The following DLC1 variants were observed in gnomAD, a reference collection of about 807,000 sequenced individuals.
DLC1 encodes rho GTPase-activating protein 7.
Under a neutral mutation model 140.3 loss-of-function variants are expected in DLC1, and 54 were observed. The observed-to-expected ratio is 0.38, with a 90% CI of 0.31 to 0.48. The LOEUF (loss-of-function observed/expected upper bound fraction) is 0.48. Among genes scored for constraint, DLC1 ranks in the 20% least tolerant of loss-of-function variants. The probability of loss-of-function intolerance (pLI) is 0.96; values close to 1 mark genes in which losing one functional copy is unlikely to be tolerated. For missense variants in DLC1, 2,536 were observed against 1,907.0 expected, an observed-to-expected ratio of 1.33 and a Z score of -6.14; for synonymous variants, 986 against 728.1, an observed-to-expected ratio of 1.35 and a Z score of -5.70.
intron 4 of DLC1, among the ~76,000 whole-genome samples, chr8:13,350,361 G>T (rs934444934): frequency 6.7e-6 from 1 of 150,246 alleles, no homozygotes; most frequent in African/African-American, 2.5e-5. Context: ...TTGTGTATTT[G>T]CTCTATCTCT....
chr8:13,533,123 G>A (rs1310967584), intron 1 of DLC1, among the ~76,000 whole-genome samples: 2 of 151,946 alleles, frequency 1.3e-5, no homozygotes, highest in East Asian at 3.9e-4. Flanking sequence ...TATGCTGGAG[G>A]CCATAAAACC....
intron 5 of DLC1, among the ~76,000 whole-genome samples, chr8:13,218,155 A>C (rs553573817): frequency 5.5e-4 from 84 of 152,290 alleles, no homozygotes; most frequent in African/African-American, 1.9e-3. Context: ...CAGTCTCTTC[A>C]ACAAATGGTG....
intron 5 of DLC1, among the ~76,000 whole-genome samples, chr8:13,280,287 C>CAAAAAAAAAAAA (rs55791933): frequency 7.7e-5 from 5 of 65,346 alleles, no homozygotes; most frequent in Admixed American, 2.2e-4. Context: ...GACTCCATCT[C>CAAAAAAAAAAAA]AAAAAAAAAA....
intron 4 of DLC1, among the ~76,000 whole-genome samples, chr8:13,368,493 C>T (rs1255809690): frequency 1.3e-5 from 2 of 151,920 alleles, no homozygotes; most frequent in African/African-American, 4.8e-5. Flanking sequence ...TGAGATATTA[C>T]CCAAGGGAAA....
At chr8:13,297,281 T>TAAAAAAAAAAAA (rs1563233158) in intron 5 of DLC1, among the ~76,000 whole-genome samples, 1 of 192 alleles carries the variant, frequency 5.2e-3, no homozygotes, top group Non-Finnish European at 0.015. Context: ...CCTTCATACA[T>TAAAAAAAAAAAA]TAAAAAAAAA....
intron 5 of DLC1, among the ~76,000 whole-genome samples, chr8:13,158,594 C>G (rs891706394): frequency 6.6e-6 from 1 of 152,092 alleles, no homozygotes; most frequent in African/African-American, 2.4e-5. Context: ...GTGAAGCTTT[C>G]CCATAGTGAA....
intron 5 of DLC1, among the ~76,000 whole-genome samples, chr8:13,279,503 C>T (rs1028585038): frequency 2.0e-5 from 3 of 152,142 alleles, no homozygotes; most frequent in African/African-American, 4.8e-5. Flanking sequence ...TGTAAATTTT[C>T]TTGGCAGAGT....
chr8:13,444,125 T>A (rs1798670799), intron 2 of DLC1, among the ~76,000 whole-genome samples: 2 of 152,042 alleles, frequency 1.3e-5, no homozygotes, highest in Admixed American at 1.3e-4. Flanking sequence ...TTTTGTAAAT[T>A]TGCTTGAGTT....
chr8:13,369,600 CT>C (rs1835641515), intron 4 of DLC1, among the ~76,000 whole-genome samples: 1 of 152,108 alleles, frequency 6.6e-6, no homozygotes, highest in African/African-American at 2.4e-5. Context: ...CTTTCTTTCT[CT>C]TATGGACAAT....
intron 1 of DLC1, among the ~76,000 whole-genome samples, chr8:13,551,444 C>G (rs573424503): frequency 3.5e-4 from 53 of 152,090 alleles, no homozygotes; most frequent in Non-Finnish European, 6.3e-4. Flanking sequence ...AAGAACGAGT[C>G]TATGGGTTGA....
Position 13,205,631 on chromosome 8 carries a change from ATTC to A in DLC1, c.1349-89977_1349-89975del, listed in dbSNP as rs533099744. Among the ~76,000 whole-genome samples the A allele has an allele frequency of 3.5e-3, 537 of 152,298 alleles. 3 individuals are homozygous for A. Among genetic ancestry groups the A allele is most frequent in the African/African-American group, 0.012 (499 of 41,564 alleles). ...TGAGCTAAAAAAAAAATAGCAAAAA[ATTC>A]TTCTAATATTTTAAGAAAGCTTGAC... On this transcript the variant is annotated intron_variant, in intron 5 of 17. Coordinates refer to ENST00000276297, the MANE Select transcript of DLC1 (RefSeq NM_182643.3).
At chr8:13,405,603 T>C (rs978789902) in intron 2 of DLC1, among the ~76,000 whole-genome samples, 1 of 152,230 alleles carries the variant, frequency 6.6e-6, no homozygotes, top group African/African-American at 2.4e-5. Flanking sequence ...TTTCGAGTTC[T>C]ACATGTTGGT....
At chr8:13,431,767 A>C (rs1208969611) in intron 2 of DLC1, among the ~76,000 whole-genome samples, 2 of 152,116 alleles carry the variant, frequency 1.3e-5, no homozygotes, top group Non-Finnish European at 2.9e-5. Flanking sequence ...GGCTTGGGAA[A>C]GGGAACGTGG....
At chr8:13,513,075 A>G (rs907994465) in intron 1 of DLC1, among the ~76,000 whole-genome samples, 1 of 151,750 alleles carries the variant, frequency 6.6e-6, no homozygotes, top group Non-Finnish European at 1.5e-5. Context: ...ATGGGAGGGC[A>G]GGATGATGGG....
intron 4 of DLC1, among the ~76,000 whole-genome samples, chr8:13,358,587 A>G (rs1405270700): frequency 1.3e-5 from 2 of 152,202 alleles, no homozygotes; most frequent in Non-Finnish European, 2.9e-5. Context: ...ATACATTAAA[A>G]TATTTTCCCA....
intron 5 of DLC1, among the ~76,000 whole-genome samples, chr8:13,222,181 T>A (rs930979575): frequency 2.6e-5 from 4 of 151,836 alleles, no homozygotes; most frequent in African/African-American, 9.7e-5. Flanking sequence ...TCAAGAAATG[T>A]AGGGCCACTC....
chr8:13,331,952 G>A (rs935328129), intron 4 of DLC1, among the ~76,000 whole-genome samples: 2 of 152,026 alleles, frequency 1.3e-5, no homozygotes, highest in African/African-American at 4.8e-5. Context: ...TGTGACCAGG[G>A]GACAATGTAT....
intron 5 of DLC1, chr8:13,133,294 C>T: frequency 7.9e-7 from 1 of 1,263,054 alleles, no homozygotes; most frequent in Non-Finnish European, 1.0e-6. Flanking sequence ...CGAACTGTCT[C>T]CCGCGCGCTC....
chr8:13,545,496 A>G (rs997156003), intron 1 of DLC1, among the ~76,000 whole-genome samples: 5 of 151,998 alleles, frequency 3.3e-5, no homozygotes, highest in African/African-American at 1.2e-4. Flanking sequence ...TCCATGTCCA[A>G]ATTGGATCAT....
Sources: gnomAD v4.1 joint callset for allele counts (sites outside exome capture counted in the v4.1 genomes callset) on GRCh38, gnomAD v4.1.1 for gene constraint, MANE v1.5 for transcripts, NCBI Gene and HGNC (gene_info 2026-07-23, HGNC 2026-07-21) for gene names.